The following SBF2 variants were observed in gnomAD, a reference collection of about 807,000 sequenced individuals.
The protein encoded by SBF2 is myotubularin-related protein 13.
Under a neutral mutation model 225.2 loss-of-function variants are expected in SBF2, and 112 were observed. That is an observed-to-expected ratio of 0.50 (90% confidence interval 0.43 to 0.58). The LOEUF (loss-of-function observed/expected upper bound fraction) is 0.58, where lower values mean the gene tolerates loss of function less well. Ranked by LOEUF, SBF2 falls within the 20% of genes least tolerant of loss-of-function variation. The pLI, the probability that SBF2 is intolerant of heterozygous loss-of-function variation, is 0.00. For synonymous variants in SBF2, 763 were observed against 773.3 expected (o/e 0.99, Z 0.22); for missense variants, 1,996 against 2,206.2 (o/e 0.90, Z 1.91).
intron 2 of SBF2, among the ~76,000 whole-genome samples, chr11:10,049,789 G>C (rs1590838556): frequency 6.6e-6 from 1 of 152,136 alleles, no homozygotes; most frequent in African/African-American, 2.4e-5. Flanking sequence ...AACTACTTGG[G>C]TAGCAGAACG....
At chr11:10,069,650 T>C (rs1032085731) in intron 2 of SBF2, among the ~76,000 whole-genome samples, 21 of 152,350 alleles carry the variant, frequency 1.4e-4, no homozygotes, top group South Asian at 2.1e-4. Flanking sequence ...ATTAGAATGA[T>C]TGATAATCCT....
At chr11:9,974,499 A>C (rs896396825) in intron 13 of SBF2, among the ~76,000 whole-genome samples, 15 of 152,022 alleles carry the variant, frequency 9.9e-5, no homozygotes, top group African/African-American at 3.6e-4. Context: ...TCCTATTCTA[A>C]GACAAGTACT....
intron 2 of SBF2, among the ~76,000 whole-genome samples, chr11:10,123,513 A>T (rs1167651074): frequency 6.6e-6 from 1 of 152,160 alleles, no homozygotes; most frequent in Non-Finnish European, 1.5e-5. Flanking sequence ...TCATATTTTT[A>T]AAATTCTTTT....
chr11:9,967,971 C>CTATATATATATATA (rs1188261255), intron 14 of SBF2, among the ~76,000 whole-genome samples: 1 of 91,508 alleles, frequency 1.1e-5, no homozygotes, highest in African/African-American at 3.8e-5. Flanking sequence ...CTCTCTCTCT[C>CTATATATATATATA]TATATATATA....
At chr11:9,946,453 C>CTTTT (rs140447383) in intron 16 of SBF2, among the ~76,000 whole-genome samples, 2 of 142,646 alleles carry the variant, frequency 1.4e-5, no homozygotes, top group Admixed American at 7.0e-5. Context: ...TTCTTTCTTT[C>CTTTT]TTTTTTTTTT....
chr11:10,201,700 A>G (rs1257571059), intron 1 of SBF2, among the ~76,000 whole-genome samples: 1 of 152,248 alleles, frequency 6.6e-6, no homozygotes, highest in Admixed American at 6.5e-5. Context: ...AGGCTTTTAC[A>G]GAAGTGAAAA....
intron 9 of SBF2, among the ~76,000 whole-genome samples, chr11:9,994,245 C>T (rs1363313437): frequency 2.6e-5 from 4 of 151,362 alleles, no homozygotes; most frequent in Admixed American, 6.6e-5. Flanking sequence ...GAGGCTGAGG[C>T]AGGCAGATCA....
At chr11:9,941,517 G>A (rs1473573377) in intron 16 of SBF2, among the ~76,000 whole-genome samples, 1 of 152,078 alleles carries the variant, frequency 6.6e-6, no homozygotes, top group Non-Finnish European at 1.5e-5. Context: ...TACCAGCCAA[G>A]GAGTATTTGA....
chr11:10,216,933 C>A (rs1248768579), intron 1 of SBF2, among the ~76,000 whole-genome samples: 1 of 151,696 alleles, frequency 6.6e-6, no homozygotes, highest in Non-Finnish European at 1.5e-5. Context: ...TAAGAAAATG[C>A]AAATATTTAA....
chr11:10,178,717 G>C (rs1236092369), intron 2 of SBF2, among the ~76,000 whole-genome samples: 1 of 143,988 alleles, frequency 6.9e-6, no homozygotes, highest in Non-Finnish European at 1.5e-5. Context: ...AGGATGTGGA[G>C]AAATAGGAAC....
intron 2 of SBF2, among the ~76,000 whole-genome samples, chr11:10,070,352 G>C (rs959861762): frequency 2.6e-5 from 4 of 152,194 alleles, no homozygotes; most frequent in Non-Finnish European, 5.9e-5. Context: ...GTAAGGAAGG[G>C]ATCCAGTTTC....
At chr11:10,102,106 C>A (rs187261249) in intron 2 of SBF2, among the ~76,000 whole-genome samples, 206 of 152,298 alleles carry the variant, frequency 1.4e-3, no homozygotes, top group African/African-American at 4.5e-3. Flanking sequence ...TAAAAGTCCT[C>A]CAAATTTAGA....
At chr11:10,168,204 C>T (rs1956051444) in intron 2 of SBF2, among the ~76,000 whole-genome samples, 1 of 152,198 alleles carries the variant, frequency 6.6e-6, no homozygotes, top group South Asian at 2.1e-4. Context: ...GCTATATCTT[C>T]AACCCTGATC....
At chr11:10,089,655 T>G (rs1056325284) in intron 2 of SBF2, among the ~76,000 whole-genome samples, 21 of 152,246 alleles carry the variant, frequency 1.4e-4, no homozygotes, top group Admixed American at 3.3e-4. Context: ...ATGAAATAAA[T>G]AAAGGTGTTC....
intron 13 of SBF2, among the ~76,000 whole-genome samples, chr11:9,979,524 T>C (rs555279062): frequency 6.6e-6 from 1 of 152,346 alleles, no homozygotes; most frequent in Non-Finnish European, 1.5e-5. Flanking sequence ...CAGATTTCTT[T>C]TTTAAGTTTT....
chr11:9,940,868 A>G (rs571962293), intron 16 of SBF2, among the ~76,000 whole-genome samples: 1 of 152,300 alleles, frequency 6.6e-6, no homozygotes, highest in African/African-American at 2.4e-5. Context: ...GCAAAGATAC[A>G]AAGGCAAAGA....
chr11:9,927,492 T>C (rs568424662), intron 16 of SBF2, among the ~76,000 whole-genome samples: 34 of 152,288 alleles, frequency 2.2e-4, no homozygotes, highest in African/African-American at 7.9e-4. Flanking sequence ...TCCAGCTATT[T>C]GGGAGGCTGA....
intron 16 of SBF2, among the ~76,000 whole-genome samples, chr11:9,927,478 T>C (rs1864144295): frequency 6.6e-6 from 1 of 152,168 alleles, no homozygotes; most frequent in South Asian, 2.1e-4. Context: ...TATGTGCCTA[T>C]AGTTCCAGCT....
intron 17 of SBF2, among the ~76,000 whole-genome samples, chr11:9,860,951 C>T (rs1385771294): frequency 6.6e-6 from 1 of 152,148 alleles, no homozygotes; most frequent in African/African-American, 2.4e-5. Context: ...GAAGCCCCAC[C>T]TTTCTTCAGT....
Sources: gnomAD v4.1 joint callset for allele counts (sites outside exome capture counted in the v4.1 genomes callset) on GRCh38, gnomAD v4.1.1 for gene constraint, MANE v1.5 for transcripts, NCBI Gene and HGNC (gene_info 2026-07-23, HGNC 2026-07-21) for gene names.